The following SMTNL2 variants were observed in gnomAD, a reference collection of about 807,000 sequenced individuals.
The protein encoded by SMTNL2 is smoothelin-like protein 2.
Under a neutral mutation model 44.1 loss-of-function variants are expected in SMTNL2, and 43 were observed. That is an observed-to-expected ratio of 0.98 (90% CI 0.76 to 1.26). SMTNL2 has a LOEUF of 1.26. SMTNL2 is among the 50% of genes most tolerant of loss of function. The pLI is 0.00. For missense variants in SMTNL2, 646 were observed against 670.2 expected, an observed-to-expected ratio of 0.96 and a Z score of 0.40; for synonymous variants, 317 against 287.6, an observed-to-expected ratio of 1.10 and a Z score of -1.03.
Position 4,607,570 on chromosome 17 carries a change from A to G in SMTNL2, c.*83A>G. 1 of 1,563,692 alleles carries G rather than the reference A, an allele frequency of 6.4e-7. No individual in the cohort carries two copies. The highest frequency in any genetic ancestry group is 2.3e-5 in the East Asian group (1 of 44,234). ...GCGATTCCCCAGCCAGGATGCCCCC[A>G]GGAGCCTTGCCGTTTGGTGTGAGCG... On this transcript the variant is annotated 3_prime_UTR_variant, in exon 8 of 8. Coordinates refer to ENST00000389313, the MANE Select transcript of SMTNL2 (RefSeq NM_001114974.2). The surrounding 1 kb of genome is among the most constrained non-coding windows in gnomAD (Gnocchi z 4.7).
chr17:4,590,169 G>A lies in SMTNL2; in HGVS notation c.400-2192G>A, dbSNP rs954377831. The stretch of plus-strand genomic sequence containing the variant: ...TTTAGTAGAGATGGGGTTTCACCAC[G>A]TTGGCCAGGCTGGTCTTGAACTCGT... On this transcript the variant is annotated intron_variant, in intron 1 of 7. Transcript: ENST00000389313. 2.3e-4 allele frequency among the ~76,000 whole-genome samples: 35 copies of A among 151,930 alleles called. 1 individual carries two copies. The Middle Eastern group carries it at 0.01, about 44-fold the overall frequency.
rs34958438 is a variant in SMTNL2 at position 4,598,824 on chromosome 17, TAAA to T, written c.1259+1514_1259+1516del. Among the ~76,000 whole-genome samples, 6 of 138,806 alleles carry T rather than the reference TAAA, an allele frequency of 4.3e-5. No individual in the cohort carries two copies. Among genetic ancestry groups the T allele is most frequent in the Admixed American group, 7.2e-5 (1 of 13,896 alleles). 91.1% of individuals were successfully genotyped at this position (138,806 alleles called of 152,430 possible). A position where few individuals can be genotyped will look rare whatever the true frequency, so the allele number is the denominator to read the frequency against. Reference sequence around the variant, plus strand: ...GGGTGGCAGAGTGAGACGCCATCTCTAAAAAAAAAAAAAAAGTGGTCCTCATGG... The same window carrying T: ...GGGTGGCAGAGTGAGACGCCATCTCTAAAAAAAAAAAAGTGGTCCTCATGG... On this transcript the variant is annotated intron_variant, in intron 7 of 7. Transcript: ENST00000389313. The surrounding 1 kb of genome is among the most constrained non-coding windows in gnomAD (Gnocchi z 4.8).
Position 4,595,745 on chromosome 17 carries a change from G to T in SMTNL2, c.989+418G>T, listed in dbSNP as rs1363720246. Among the ~76,000 whole-genome samples the T allele has an allele frequency of 6.6e-6, 1 of 152,238 alleles. No homozygotes were observed. Among genetic ancestry groups the T allele is most frequent in the African/African-American group, 2.4e-5 (1 of 41,464 alleles). ...GAGCTGGGAGCCCCAGCATGGGGTT[G>T]GTCTTGCCCAAGGACCGAAGGTGAT... On this transcript the variant is annotated intron_variant, in intron 5 of 7. Transcript: ENST00000389313. The surrounding 1 kb of genome is among the most constrained non-coding windows in gnomAD (Gnocchi z 5.1).
intron 3 of SMTNL2, among the ~76,000 whole-genome samples, chr17:4,593,426 C>T (rs1018423923): frequency 6.6e-6 from 1 of 152,240 alleles, no homozygotes; most frequent in African/African-American, 2.4e-5. Context: ...GCCTCTTGCC[C>T]TGCACGTTGG....
rs1910319701 is a variant in SMTNL2 at position 4,607,352 on chromosome 17, G to A, written c.1260-9G>A. 1 of 1,614,086 alleles carries A rather than the reference G, an allele frequency of 6.2e-7. No homozygotes were observed. Among genetic ancestry groups the A allele is most frequent in the Non-Finnish European group, 8.5e-7 (1 of 1,180,016 alleles). The stretch of plus-strand genomic sequence containing the variant: ...GGACCACCGTTCTGACGGGGCTTGT[G>A]TGTTTCAGGAATCTGGCCAACTGTG... On this transcript the variant is annotated splice_polypyrimidine_tract_variant and intron_variant, in intron 7 of 7. Coordinates refer to ENST00000389313, the MANE Select transcript of SMTNL2 (RefSeq NM_001114974.2). The surrounding 1 kb of genome is among the most constrained non-coding windows in gnomAD (Gnocchi z 4.7).
In SMTNL2 at chr17:4,600,193, C is replaced by A. The variant is rs1171892092; in HGVS notation, c.1259+2870C>A. 6.6e-6 allele frequency among the ~76,000 whole-genome samples: 1 copy of A among 152,192 alleles called. No homozygotes were observed. Among genetic ancestry groups the A allele is most frequent in the Non-Finnish European group, 1.5e-5 (1 of 68,030 alleles). On this transcript the variant is annotated intron_variant, in intron 7 of 7. Coordinates refer to ENST00000389313, the MANE Select transcript of SMTNL2 (RefSeq NM_001114974.2). This position sits in a 1 kb window ranked among gnomAD's most constrained non-coding sequence, Gnocchi z 4.7. The stretch of plus-strand genomic sequence containing the variant: ...TGGGGAGGACGACAGCTTGGATCAC[C>A]TCATTTGTTGGACAATAGGCTGGTT...
At chr17:4,605,105 C>T (rs1910214032) in intron 7 of SMTNL2, among the ~76,000 whole-genome samples, 1 of 150,436 alleles carries the variant, frequency 6.6e-6, no homozygotes, top group African/African-American at 2.5e-5. Flanking sequence ...TAAAGCAAGG[C>T]ATGATCGTCA....
In SMTNL2 at chr17:4,595,436, G is replaced by A. The variant is rs924018505; in HGVS notation, c.989+109G>A. ...GTTCAGCCCTGTCCTGTTCCCCAGGGCGCTGTTGCCCAGGACAAGATCTCT... is the reference window on the plus strand; with the variant it reads ...GTTCAGCCCTGTCCTGTTCCCCAGGACGCTGTTGCCCAGGACAAGATCTCT... On this transcript the variant is annotated intron_variant, in intron 5 of 7. Transcript: ENST00000389313. The surrounding 1 kb of genome is among the most constrained non-coding windows in gnomAD (Gnocchi z 5.1). 2 of 1,432,136 alleles carry A rather than the reference G, an allele frequency of 1.4e-6. No homozygotes were observed. The highest frequency in any genetic ancestry group is 2.8e-5 in the African/African-American group (2 of 70,468). 88.7% of individuals were successfully genotyped at this position (1,432,136 alleles called of 1,614,324 possible). A position where few individuals can be genotyped will look rare whatever the true frequency, so the allele number is the denominator to read the frequency against.
chr17:4,595,194 G>A lies in SMTNL2; in HGVS notation c.856G>A (p.Ala286Thr). ...GTCGCCCGTGTCCCCGCAGCCGCCA[G>A]CCATAACTCAGGTCCATCGGCAGGG... Reference protein sequence around the residue: ...PQSPVSPQPPAITQVHRQGER... With the variant: ...PQSPVSPQPPTITQVHRQGER... The change falls in exon 5 of 8, where the codon GCC becomes ACC. Residue 286 changes from alanine (A) to threonine (T), a missense_variant. Transcript: ENST00000389313. This position sits in a 1 kb window ranked among gnomAD's most constrained non-coding sequence, Gnocchi z 5.1. 6.2e-7 allele frequency: 1 copy of A among 1,613,490 alleles called. No homozygotes were observed. Among genetic ancestry groups the A allele is most frequent in the Non-Finnish European group, 8.5e-7 (1 of 1,180,020 alleles).
chr17:4,597,086 G>A (rs1027552929), intron 6 of SMTNL2, 86 bp from the exon 7 acceptor site: 3 of 1,543,482 alleles, frequency 1.9e-6, no homozygotes, highest in Non-Finnish European at 2.6e-6. Context: ...TGAGGCTGGG[G>A]TTAAGGGGTA....
At chr17:4,599,984 G>A (rs1909964306) in intron 7 of SMTNL2, among the ~76,000 whole-genome samples, 1 of 152,188 alleles carries the variant, frequency 6.6e-6, no homozygotes, top group African/African-American at 2.4e-5. Context: ...GCTGAGATGA[G>A]TTCTTGCTTT....
chr17:4,595,030 C>T lies in SMTNL2; in HGVS notation c.807-115C>T, dbSNP rs908805791. The T allele has an allele frequency of 1.0e-5, 14 of 1,375,522 alleles. No homozygotes were observed. The highest frequency in any genetic ancestry group is 7.0e-5 in the East Asian group (3 of 42,646). 85.2% of individuals were successfully genotyped at this position (1,375,522 alleles called of 1,614,324 possible). On this transcript the variant is annotated intron_variant, in intron 4 of 7. Coordinates refer to ENST00000389313, the MANE Select transcript of SMTNL2 (RefSeq NM_001114974.2). This position sits in a 1 kb window ranked among gnomAD's most constrained non-coding sequence, Gnocchi z 5.1. ...GGAGCAAGGGGGCCTCTTCTCTGAG[C>T]GCCCATCACGGTGCAGGCTGCCTTG...
chr17:4,604,932 A>G (rs971213609), intron 7 of SMTNL2, among the ~76,000 whole-genome samples: 10 of 151,968 alleles, frequency 6.6e-5, no homozygotes, highest in Non-Finnish European at 1.3e-4. Flanking sequence ...CGGCTTCCTA[A>G]AGTGCCGGGA....
intron 7 of SMTNL2, among the ~76,000 whole-genome samples, chr17:4,605,892 T>C (rs546025505): frequency 3.3e-5 from 5 of 152,258 alleles, no homozygotes; most frequent in South Asian, 2.1e-4. Context: ...AGAGGCTGTC[T>C]GTTGTTATTT....
chr17:4,598,192 G>C lies in SMTNL2; in HGVS notation c.1259+869G>C, dbSNP rs1485983103. 6.6e-6 allele frequency among the ~76,000 whole-genome samples: 1 copy of C among 152,200 alleles called. No individual in the cohort carries two copies. Among genetic ancestry groups the C allele is most frequent in the Non-Finnish European group, 1.5e-5 (1 of 68,036 alleles). ...GCAGTCAGCTCGCTGCGACCTGGCA[G>C]GGAGGGAGCTGTGGATAAGTGTCCC... On this transcript the variant is annotated intron_variant, in intron 7 of 7. Coordinates refer to ENST00000389313, the MANE Select transcript of SMTNL2 (RefSeq NM_001114974.2). The surrounding 1 kb of genome is among the most constrained non-coding windows in gnomAD (Gnocchi z 4.8).
rs569003848 is a variant in SMTNL2 at position 4,584,901 on chromosome 17, C to T, written c.296C>T (p.Thr99Met). 7.3e-5 allele frequency: 94 copies of T among 1,291,474 alleles called. No homozygotes were observed. In the African/African-American group the frequency reaches 1.4e-3, roughly 19 times the overall value. 80.0% of individuals were successfully genotyped at this position (1,291,474 alleles called of 1,614,324 possible). A position where few individuals can be genotyped will look rare whatever the true frequency, so the allele number is the denominator to read the frequency against. The stretch of plus-strand genomic sequence containing the variant: ...TCCCCGGTGCCCGGCACTCCCGGCA[C>T]GCCCAGCCCCCCGCCCGCGCCCGGG... ...GMSPVPGTPG[T>M]PSPPPAPGVP... Residue 99 changes from threonine (T) to methionine (M), a missense_variant, in exon 1 of 8, where the codon ACG becomes ATG. Physicochemically the swap from Thr to Met is moderately conservative, Grantham distance 81. Coordinates refer to ENST00000389313, the MANE Select transcript of SMTNL2 (RefSeq NM_001114974.2).
At chr17:4,606,087 G>A (rs1910264072) in intron 7 of SMTNL2, among the ~76,000 whole-genome samples, 1 of 152,140 alleles carries the variant, frequency 6.6e-6, no homozygotes, top group African/African-American at 2.4e-5. Flanking sequence ...AGGGCCCTGG[G>A]GGGCTGGGGG....
rs116056866 is a variant in SMTNL2 at position 4,590,704 on chromosome 17, G to A, written c.400-1657G>A. Among the ~76,000 whole-genome samples, 1,460 of 152,090 alleles carry A rather than the reference G, an allele frequency of 9.6e-3. 11 individuals are homozygous for A. Among genetic ancestry groups the A allele is most frequent in the African/African-American group, 0.03 (1,246 of 41,464 alleles). ...CCAGATCCCTTTTCCCCAAAGCTCC[G>A]AGTCCTTCTTGCCCGTGGCCCTCCC... On this transcript the variant is annotated intron_variant, in intron 1 of 7. Transcript: ENST00000389313.
intron 1 of SMTNL2, among the ~76,000 whole-genome samples, chr17:4,590,138 T>C: frequency 6.6e-6 from 1 of 151,812 alleles, no homozygotes; most frequent in Non-Finnish European, 1.5e-5. Flanking sequence ...GGCTAATTGT[T>C]GTATTTTTAG....
Sources: allele counts gnomAD v4.1 joint callset (sites outside exome capture counted in the v4.1 genomes callset), GRCh38; gene constraint gnomAD v4.1.1; non-coding constraint Gnocchi (gnomAD v3.1); transcripts MANE v1.5; gene names NCBI Gene and HGNC (gene_info 2026-07-23, HGNC 2026-07-21).